The following ARID1B variants were observed in gnomAD, a reference collection of about 807,000 sequenced individuals.
ARID1B encodes AT-rich interaction domain 1B.
In ARID1B, 30 loss-of-function variants were observed where a neutral mutation model predicts 212.3. That is an observed-to-expected ratio of 0.14 (90% CI 0.11 to 0.19). The LOEUF (loss-of-function observed/expected upper bound fraction) is 0.19, where lower values mean the gene tolerates loss of function less well. Among genes scored for constraint, ARID1B ranks in the 10% least tolerant of loss-of-function variants. The pLI, the probability that ARID1B is intolerant of heterozygous loss-of-function variation, is 1.00. For synonymous variants in ARID1B, 1,402 were observed against 1,301.7 expected (o/e 1.08, Z -1.66); for missense variants, 2,891 against 3,204.0 (o/e 0.90, Z 2.36).
At chr6:156,875,055 C>T (rs964714556) in intron 2 of ARID1B, among the ~76,000 whole-genome samples, 3 of 152,180 alleles carry the variant, frequency 2.0e-5, no homozygotes, top group African/African-American at 7.2e-5. Flanking sequence ...CTAAATTTTA[C>T]AGTATTCTTT....
At chr6:156,847,439 C>T (rs9371444) in intron 2 of ARID1B, among the ~76,000 whole-genome samples, 14,655 of 152,102 alleles carry the variant, frequency 0.096, 957 homozygotes, top group East Asian at 0.3. Context: ...TAGGACCCAG[C>T]GAATGGGAGA....
intron 1 of ARID1B, among the ~76,000 whole-genome samples, chr6:156,789,820 A>G (rs1779896090): frequency 6.6e-6 from 1 of 152,262 alleles, no homozygotes; most frequent in Non-Finnish European, 1.5e-5. Flanking sequence ...TTGTCAAAGA[A>G]TGGGAAAGGA....
Position 157,208,087 on chromosome 6 carries a change from G to A in ARID1B, c.*196G>A, listed in dbSNP as rs1488531626. The A allele has an allele frequency of 1.7e-6, 1 of 580,748 alleles. No homozygotes were observed. Among genetic ancestry groups the A allele is most frequent in the South Asian group, 7.7e-5 (1 of 12,920 alleles). 36.0% of individuals were successfully genotyped at this position (580,748 alleles called of 1,614,324 possible). A position where few individuals can be genotyped will look rare whatever the true frequency, so the allele number is the denominator to read the frequency against. ...TATGAAATTAATATTTGCTGTCTGT[G>A]TGTATAAGTACATCCTTTGGGGTTT... On this transcript the variant is annotated 3_prime_UTR_variant, in exon 20 of 20. Transcript: ENST00000636930.
intron 2 of ARID1B, among the ~76,000 whole-genome samples, chr6:156,860,290 T>C (rs979079415): frequency 6.6e-6 from 1 of 152,048 alleles, no homozygotes; most frequent in Non-Finnish European, 1.5e-5. Context: ...ATAGATAATA[T>C]AGAGGAAGGA....
intron 3 of ARID1B, among the ~76,000 whole-genome samples, chr6:156,917,135 T>A (rs76042686): frequency 2.1e-5 from 3 of 143,846 alleles, no homozygotes; most frequent in Non-Finnish European, 4.5e-5. Context: ...GAAGTCACCA[T>A]TTTTTTTTTA....
chr6:157,188,945 T>C (rs1320250859), intron 13 of ARID1B, among the ~76,000 whole-genome samples: 1 of 152,196 alleles, frequency 6.6e-6, no homozygotes, highest in Admixed American at 6.5e-5. Context: ...AATGTAATTA[T>C]ACTTAAAGCC....
At chr6:156,906,508 G>T (rs1789388793) in intron 3 of ARID1B, among the ~76,000 whole-genome samples, 1 of 118,140 alleles carries the variant, frequency 8.5e-6, no homozygotes, top group African/African-American at 3.2e-5. Flanking sequence ...TCGTGCCATT[G>T]CACTCTAGCC....
chr6:157,200,345 G>T lies in ARID1B; in HGVS notation c.4480-360G>T, dbSNP rs1449332110. Among the ~76,000 whole-genome samples the T allele has an allele frequency of 6.6e-5, 10 of 152,104 alleles. No individual in the cohort carries two copies. The highest frequency in any genetic ancestry group is 6.5e-4 in the Admixed American group (10 of 15,284). On this transcript the variant is annotated intron_variant, in intron 17 of 19. Transcript: ENST00000636930. This position sits in a 1 kb window ranked among gnomAD's most constrained non-coding sequence, Gnocchi z 4.3. ...TGGATGCTGGCTTTCCTGTGAGAGGGTCCTTCTGCCTCCTGCTGTGGTCCT... is the reference window on the plus strand; with the variant it reads ...TGGATGCTGGCTTTCCTGTGAGAGGTTCCTTCTGCCTCCTGCTGTGGTCCT...
chr6:157,117,539 A>G lies in ARID1B; in HGVS notation c.2581+6978A>G, dbSNP rs74399109. On this transcript the variant is annotated intron_variant, in intron 6 of 19. Coordinates refer to ENST00000636930, the MANE Select transcript of ARID1B (RefSeq NM_001374828.1). ...AAAAGAATGAATTCAGTGTCTTCCT[A>G]TGAGTTCAACTGAGCTTCCCCAGGG... Among the ~76,000 whole-genome samples, 1,064 of 152,222 alleles carry G rather than the reference A, an allele frequency of 7.0e-3. 18 individuals carry two copies. Among genetic ancestry groups the G allele is most frequent in the African/African-American group, 0.025 (1,021 of 41,524 alleles).
At chr6:156,777,372 C>T (rs1478109922), upstream of ARID1B, 1 of 151,492 alleles carries the variant, frequency 6.6e-6, no homozygotes, top group African/African-American at 2.4e-5. Flanking sequence ...TCGCCCGCTG[C>T]CTCTCAAGCC....
intron 2 of ARID1B, among the ~76,000 whole-genome samples, chr6:156,877,170 A>T (rs1353523512): frequency 1.3e-5 from 2 of 152,248 alleles, no homozygotes; most frequent in Non-Finnish European, 2.9e-5. Flanking sequence ...GTTAAAATAA[A>T]ATGAAAATCT....
intron 8 of ARID1B, chr6:157,152,543 G>A (rs1790274479): frequency 6.6e-6 from 1 of 152,172 alleles, no homozygotes; most frequent in African/African-American, 2.4e-5. Flanking sequence ...AAAAAAGAAA[G>A]AAGTTAAGTT....
chr6:156,778,166 G>T lies in ARID1B; in HGVS notation c.486G>T (p.Pro162=). 1 of 1,541,390 alleles carries T rather than the reference G, an allele frequency of 6.5e-7. No individual in the cohort carries two copies. ...CCGTTGGCGAAGCCCCCGCCGCGCC[G>T]CCCCACCAGCAGCACCACCACCACC... is the stretch of plus-strand genomic sequence containing the variant. ...LKTVGEAPAA[P]PHQQHHHHHH... The change falls in exon 1 of 20, where the codon CCG becomes CCT. Residue 162 remains proline (P), a synonymous_variant. Coordinates refer to ENST00000636930, the MANE Select transcript of ARID1B (RefSeq NM_001374828.1).
chr6:156,776,808 T>C (rs1190452920), upstream of ARID1B: 3 of 152,228 alleles, frequency 2.0e-5, no homozygotes, highest in African/African-American at 4.8e-5. Flanking sequence ...GTACAGGCCA[T>C]AGGGCTCTCT....
At chr6:156,922,173 CTTT>C (rs11386798) in intron 3 of ARID1B, among the ~76,000 whole-genome samples, 4 of 138,060 alleles carry the variant, frequency 2.9e-5, no homozygotes, top group African/African-American at 2.7e-5. Flanking sequence ...ATAGGTTGCC[CTTT>C]TTTTTTTTTT....
At chr6:157,164,077 G>A (rs1389084547) in intron 8 of ARID1B, among the ~76,000 whole-genome samples, 1 of 152,180 alleles carries the variant, frequency 6.6e-6, no homozygotes, top group East Asian at 1.9e-4. Context: ...CAGGCATGCA[G>A]TAAATACTAA....
intron 7 of ARID1B, among the ~76,000 whole-genome samples, chr6:157,137,930 T>C (rs1056970857): frequency 2.6e-5 from 4 of 152,224 alleles, no homozygotes; most frequent in African/African-American, 9.6e-5. Flanking sequence ...ATAAATTAGA[T>C]GCCATCTAGA....
chr6:156,951,503 G>A (rs1793585884), intron 4 of ARID1B, among the ~76,000 whole-genome samples: 1 of 151,862 alleles, frequency 6.6e-6, no homozygotes. Flanking sequence ...GAGTGCAGTG[G>A]TGCCATCTCG....
chr6:156,849,316 A>AAATC (rs1327972062), intron 2 of ARID1B, among the ~76,000 whole-genome samples: 2 of 152,160 alleles, frequency 1.3e-5, no homozygotes, highest in Non-Finnish European at 2.9e-5. Flanking sequence ...TTTATATACT[A>AAATC]AATCATAGGG....
Sources: gnomAD v4.1 joint callset for allele counts (sites outside exome capture counted in the v4.1 genomes callset) on GRCh38, gnomAD v4.1.1 for gene constraint, Gnocchi (gnomAD v3.1) non-coding constraint, MANE v1.5 for transcripts, NCBI Gene and HGNC (gene_info 2026-07-23, HGNC 2026-07-21) for gene names.